Variants in SRGAP3 observed in about 807,000 individuals in gnomAD.
The protein encoded by SRGAP3 is SLIT-ROBO Rho GTPase-activating protein 3.
Under a neutral mutation model 121.1 loss-of-function variants are expected in SRGAP3, and 39 were observed. That is an observed-to-expected ratio of 0.32 (90% CI 0.25 to 0.42). The LOEUF (loss-of-function observed/expected upper bound fraction) is 0.42, where lower values mean the gene tolerates loss of function less well. Ranked by LOEUF, SRGAP3 falls within the 10% of genes least tolerant of loss-of-function variation. The pLI is 1.00. For synonymous variants in SRGAP3, 601 were observed against 570.0 expected, an observed-to-expected ratio of 1.05 and a Z score of -0.77; for missense variants, 1,213 against 1,470.6, an observed-to-expected ratio of 0.82 and a Z score of 2.86.
At chr3:9,250,065 A>C (rs1953969902), upstream of SRGAP3, among the ~76,000 whole-genome samples, 1 of 152,212 alleles carries the variant, frequency 6.6e-6, no homozygotes. Flanking sequence ...CGAGGAGTTA[A>C]AGGCATGCAG....
chr3:9,235,036 T>C (rs1055658038), intron 1 of SRGAP3, among the ~76,000 whole-genome samples: 1 of 152,000 alleles, frequency 6.6e-6, no homozygotes, highest in Non-Finnish European at 1.5e-5. Flanking sequence ...GTTAGCTCAG[T>C]TCCCCCCAGT....
intron 1 of SRGAP3, among the ~76,000 whole-genome samples, chr3:9,223,547 G>A (rs1356897585): frequency 6.6e-6 from 1 of 152,174 alleles, no homozygotes. Context: ...TCCAAAGTCA[G>A]GAGGAGTTCC....
intron 1 of SRGAP3, among the ~76,000 whole-genome samples, chr3:9,342,622 A>C (rs1432917591): frequency 6.6e-6 from 1 of 152,206 alleles, no homozygotes; most frequent in Non-Finnish European, 1.5e-5. Context: ...GGTGGGCCTG[A>C]TGCCAGTGAA....
In SRGAP3 at chr3:9,032,645, A is replaced by T; in HGVS notation, c.1539+5T>A. The T allele has an allele frequency of 6.2e-7, 1 of 1,613,466 alleles. No individual in the cohort carries two copies. The highest frequency in any genetic ancestry group is 8.5e-7 in the Non-Finnish European group (1 of 1,179,554). On this transcript the variant is annotated splice_donor_5th_base_variant and intron_variant, in intron 12 of 21. Transcript: ENST00000383836. ...TCGCGGACTCCACGGCTCCCCAGCA[A>T]GTACCTTAATGAATGCTTCCATACT...
chr3:9,233,418 C>T (rs1198495381), intron 1 of SRGAP3, among the ~76,000 whole-genome samples: 1 of 152,226 alleles, frequency 6.6e-6, no homozygotes, highest in Non-Finnish European at 1.5e-5. Context: ...CAATCTTCTT[C>T]AGCTGATTCC....
chr3:9,137,377 CAT>C (rs1252326452), intron 1 of SRGAP3, among the ~76,000 whole-genome samples: 1 of 152,202 alleles, frequency 6.6e-6, no homozygotes, highest in East Asian at 1.9e-4. Flanking sequence ...TGGGGGAACA[CAT>C]ATGCTGGGAA....
intron 3 of SRGAP3, among the ~76,000 whole-genome samples, chr3:9,268,288 A>G (rs2125259260): frequency 7.0e-6 from 1 of 142,716 alleles, no homozygotes; most frequent in Admixed American, 7.3e-5. Context: ...AAGAGACCAG[A>G]GAGAAGAGTC....
At chr3:9,084,617 T>A (rs1947380649) in intron 3 of SRGAP3, among the ~76,000 whole-genome samples, 1 of 152,180 alleles carries the variant, frequency 6.6e-6, no homozygotes, top group Admixed American at 6.5e-5. Context: ...GGGTTTTCTG[T>A]TACTTGCAGC....
At chr3:9,289,475 C>G (rs1293509650) in intron 3 of SRGAP3, among the ~76,000 whole-genome samples, 1 of 152,166 alleles carries the variant, frequency 6.6e-6, no homozygotes, top group African/African-American at 2.4e-5. Context: ...TTTGTTTCTG[C>G]TAGGCATCTT....
intron 1 of SRGAP3, among the ~76,000 whole-genome samples, chr3:9,232,004 C>T (rs915308343): frequency 1.3e-5 from 2 of 152,170 alleles, no homozygotes; most frequent in Non-Finnish European, 2.9e-5. Context: ...GACTGAAACT[C>T]GGTAAATTAA....
At chr3:9,104,148 G>A (rs1320257912) in intron 3 of SRGAP3, among the ~76,000 whole-genome samples, 2 of 152,158 alleles carry the variant, frequency 1.3e-5, no homozygotes, top group African/African-American at 2.4e-5. Flanking sequence ...ATTGATGTGG[G>A]AAAATGTAAT....
intron 1 of SRGAP3, among the ~76,000 whole-genome samples, chr3:9,357,436 T>G (rs2030578829): frequency 6.6e-6 from 1 of 152,024 alleles, no homozygotes; most frequent in Admixed American, 6.6e-5. Context: ...AGTCCATCCA[T>G]ATTGTAGCAT....
intron 3 of SRGAP3, among the ~76,000 whole-genome samples, chr3:9,300,164 ATCATCT>A (rs1351993709): frequency 7.4e-6 from 1 of 135,870 alleles, no homozygotes; most frequent in Non-Finnish European, 1.6e-5. Context: ...CACCACCATC[ATCATCT>A]TCATCATCAC....
At chr3:9,123,732 A>ATGTGTGTGTGTGTGTGTGTG (rs532602901) in intron 2 of SRGAP3, among the ~76,000 whole-genome samples, 2,509 of 138,686 alleles carry the variant, frequency 0.018, 21 homozygotes, top group African/African-American at 0.035. Context: ...ATATGTATAT[A>ATGTGTGTGTGTGTGTGTGTG]TGTGTGTGTG....
At chr3:9,156,204 A>T (rs1038244836) in intron 1 of SRGAP3, among the ~76,000 whole-genome samples, 1 of 152,196 alleles carries the variant, frequency 6.6e-6, no homozygotes, top group Non-Finnish European at 1.5e-5. Flanking sequence ...TATCATCAGA[A>T]GTGAGTTTGG....
rs1409572433 is a variant in SRGAP3 at position 9,025,268 on chromosome 3, A to G, written c.1671T>C (p.Phe557=). The change falls in exon 14 of 22, where the codon TTT becomes TTC. Residue 557 remains phenylalanine, a synonymous_variant. Transcript: ENST00000383836. The stretch of plus-strand genomic sequence containing the variant: ...TGGTCGCTCTGCACCCACCTCTCTC[A>G]AAGGAATTTTTGATGTCATTGACTT... The part of the protein sequence containing the change: ...QVEVNDIKNS[F]ERGEDPLVDD... 2 of 1,614,130 alleles carry G rather than the reference A, an allele frequency of 1.2e-6. No individual in the cohort carries two copies. The highest frequency in any genetic ancestry group is 1.7e-5 in the Admixed American group (1 of 60,022).
chr3:9,046,206 C>T (rs1945270239), intron 10 of SRGAP3, among the ~76,000 whole-genome samples: 1 of 152,048 alleles, frequency 6.6e-6, no homozygotes, highest in South Asian at 2.1e-4. Context: ...TTCCGTCAGC[C>T]CCCAAAGTTC....
intron 18 of SRGAP3, among the ~76,000 whole-genome samples, chr3:9,003,656 C>T (rs1942897077): frequency 6.6e-6 from 1 of 152,180 alleles, no homozygotes; most frequent in African/African-American, 2.4e-5. Flanking sequence ...AAAAATCACA[C>T]AATCATCTTA....
At chr3:9,193,192 G>C (rs1951812441) in intron 1 of SRGAP3, 1 of 152,262 alleles carries the variant, frequency 6.6e-6, no homozygotes, top group African/African-American at 2.4e-5. Context: ...GAGAAATCCT[G>C]AGTGGGGAAG....
Sources: allele counts gnomAD v4.1 joint callset (sites outside exome capture counted in the v4.1 genomes callset), GRCh38; gene constraint gnomAD v4.1.1; transcripts MANE v1.5; gene names NCBI Gene and HGNC (gene_info 2026-07-23, HGNC 2026-07-21).